The following PAPSS1 variants were observed in gnomAD, a reference collection of about 807,000 sequenced individuals.
PAPSS1 encodes 3'-phosphoadenosine 5'-phosphosulfate synthase 1.
A neutral mutation model predicts 72.0 loss-of-function variants in PAPSS1; 50 were observed. The observed-to-expected ratio is 0.69, with a 90% confidence interval of 0.55 to 0.88. PAPSS1 has a LOEUF of 0.88. PAPSS1 is among the 40% of genes least tolerant of loss of function. The pLI, the probability that PAPSS1 is intolerant of heterozygous loss-of-function variation, is 0.00. For synonymous variants in PAPSS1, 261 were observed against 263.6 expected (o/e 0.99, Z 0.09); for missense variants, 657 against 782.2 (o/e 0.84, Z 1.91).
intron 1 of PAPSS1, among the ~76,000 whole-genome samples, chr4:107,708,018 C>T (rs749469919): frequency 3.3e-5 from 5 of 152,190 alleles, no homozygotes; most frequent in Admixed American, 6.5e-5. Flanking sequence ...GAAAAATCCT[C>T]TGGGACCAAA....
intron 3 of PAPSS1, among the ~76,000 whole-genome samples, chr4:107,687,919 C>A (rs1011890170): frequency 3.3e-5 from 5 of 151,816 alleles, no homozygotes; most frequent in Non-Finnish European, 5.9e-5. Context: ...TCCTTATGGT[C>A]CCTCTGACAA....
Position 107,654,853 on chromosome 4 carries a change from C to G in PAPSS1, c.943G>C (p.Glu315Gln), listed in dbSNP as rs750711381. ...SVPIVLTATH[E>Q]DKERLDGCTA... ...CAGCCGTCCAGCCTCTCTTTATCTT[C>G]ATGAGTCGCAGTCAGAACTATAGGT... is the stretch of plus-strand genomic sequence containing the variant. The change falls in exon 8 of 12, where the codon GAA (glutamate) becomes CAA (glutamine). Residue 315 changes from glutamate (E) to glutamine (Q), a missense_variant. By Grantham distance (29) the Glu-to-Gln change is conservative. Coordinates refer to ENST00000265174, the MANE Select transcript of PAPSS1 (RefSeq NM_005443.5). 61 of 1,613,928 alleles carry G rather than the reference C, an allele frequency of 3.8e-5. 1 individual carries two copies. The Admixed American group carries it at 9.8e-4, about 26-fold the overall frequency.
In PAPSS1 at chr4:107,638,555, G is replaced by C. The variant is rs139439095; in HGVS notation, c.1506+6247C>G. ...TGAGAACAGTATCAGCCCTCCCAGA[G>C]TGGGGGCTCAGAGTGGAGACAACAA... On this transcript the variant is annotated intron_variant, in intron 10 of 11. Transcript: ENST00000265174. Among the ~76,000 whole-genome samples the C allele has an allele frequency of 2.0e-5, 3 of 152,248 alleles. No individual in the cohort carries two copies. The East Asian group carries it at 5.8e-4, about 29-fold the overall frequency.
At chr4:107,706,757 T>G (rs1364058403) in intron 1 of PAPSS1, among the ~76,000 whole-genome samples, 2 of 152,182 alleles carry the variant, frequency 1.3e-5, no homozygotes, top group African/African-American at 4.8e-5. Context: ...GTAGACTGGC[T>G]TTATTTGGGA....
intron 10 of PAPSS1, among the ~76,000 whole-genome samples, chr4:107,632,241 G>A (rs1288715117): frequency 1.3e-5 from 2 of 152,104 alleles, no homozygotes; most frequent in Non-Finnish European, 2.9e-5. Context: ...CCTGGAGGGA[G>A]GCAACTGCAA....
At chr4:107,633,710 G>T (rs1726282041) in intron 10 of PAPSS1, among the ~76,000 whole-genome samples, 1 of 151,990 alleles carries the variant, frequency 6.6e-6, no homozygotes, top group Non-Finnish European at 1.5e-5. Flanking sequence ...ACGAGGTCAG[G>T]AGATTGAGAC....
chr4:107,703,341 G>T (rs1251823482), intron 1 of PAPSS1, among the ~76,000 whole-genome samples: 1 of 151,120 alleles, frequency 6.6e-6, no homozygotes, highest in Non-Finnish European at 1.5e-5. Flanking sequence ...CTTTGCTGTG[G>T]AGACAATTTT....
intron 10 of PAPSS1, among the ~76,000 whole-genome samples, chr4:107,632,561 T>C (rs1220569425): frequency 6.6e-6 from 1 of 151,642 alleles, no homozygotes; most frequent in African/African-American, 2.4e-5. Flanking sequence ...CATCCAAAAC[T>C]AGCCTTGAAG....
At chr4:107,627,502 T>A (rs1271082954) in intron 11 of PAPSS1, among the ~76,000 whole-genome samples, 3 of 152,184 alleles carry the variant, frequency 2.0e-5, no homozygotes, top group Non-Finnish European at 2.9e-5. Context: ...AAGGCACTGC[T>A]ACCCTTTTTT....
chr4:107,677,182 AATG>A (rs1437919519), intron 5 of PAPSS1, among the ~76,000 whole-genome samples: 26 of 152,332 alleles, frequency 1.7e-4, no homozygotes, highest in African/African-American at 6.0e-4. Flanking sequence ...AAAATTGACA[AATG>A]GGATCTAATT....
At chr4:107,631,213 C>A (rs1455486486) in intron 11 of PAPSS1, among the ~76,000 whole-genome samples, 4 of 152,116 alleles carry the variant, frequency 2.6e-5, no homozygotes, top group African/African-American at 9.7e-5. Flanking sequence ...GATACACAAC[C>A]TATAAATAAT....
chr4:107,719,816 G>A (rs545831439), intron 1 of PAPSS1: 3 of 1,256,316 alleles, frequency 2.4e-6, no homozygotes, highest in Non-Finnish European at 3.0e-6. Context: ...CCAGTTCACG[G>A]GTGAAGGATT....
intron 1 of PAPSS1, among the ~76,000 whole-genome samples, chr4:107,703,537 T>C (rs1723260850): frequency 6.6e-6 from 1 of 152,206 alleles, no homozygotes; most frequent in African/African-American, 2.4e-5. Flanking sequence ...TTTTTTTATA[T>C]GAGGTGAGAT....
In PAPSS1 at chr4:107,701,186, T is replaced by A. The variant is rs1353443556; in HGVS notation, c.160A>T (p.Thr54Ser). The change falls in exon 2 of 12, where the codon ACA (threonine) becomes TCA (serine). Residue 54 changes from threonine to serine, a missense_variant. Physicochemically the swap from Thr to Ser is moderately conservative, Grantham distance 58. Transcript: ENST00000265174. ...TTGACCATACCTGTTAGCCAAACTG[T>A]GCAACCACGAAAGCCACCTCTGGTC... Reference protein sequence around the residue: ...VGTRGGFRGCTVWLTGLSGAG... With the variant: ...VGTRGGFRGCSVWLTGLSGAG... 1 of 1,612,942 alleles carries A rather than the reference T, an allele frequency of 6.2e-7. No homozygotes were observed. The highest frequency in any genetic ancestry group is 8.5e-7 in the Non-Finnish European group (1 of 1,179,024).
At chr4:107,691,624 G>A (rs936585386) in intron 3 of PAPSS1, among the ~76,000 whole-genome samples, 2 of 152,168 alleles carry the variant, frequency 1.3e-5, no homozygotes, top group Non-Finnish European at 2.9e-5. Flanking sequence ...GGGGTTTGGA[G>A]GCAGCATAGC....
chr4:107,664,278 G>T (rs1173329133), intron 5 of PAPSS1, among the ~76,000 whole-genome samples: 1 of 152,198 alleles, frequency 6.6e-6, no homozygotes, highest in Non-Finnish European at 1.5e-5. Flanking sequence ...TTTGTATGCT[G>T]TGATGGGGCT....
intron 3 of PAPSS1, among the ~76,000 whole-genome samples, chr4:107,689,839 A>G (rs2110340626): frequency 6.6e-6 from 1 of 152,254 alleles, no homozygotes; most frequent in South Asian, 2.1e-4. Context: ...AACCCACCAA[A>G]AATGAAATAC....
At chr4:107,679,890 T>C (rs1482749952) in intron 5 of PAPSS1, among the ~76,000 whole-genome samples, 1 of 151,030 alleles carries the variant, frequency 6.6e-6, no homozygotes, top group Non-Finnish European at 1.5e-5. Flanking sequence ...ATGAATACTA[T>C]CAAAAAAAAG....
intron 9 of PAPSS1, among the ~76,000 whole-genome samples, chr4:107,646,891 C>T (rs1268718451): frequency 2.0e-5 from 3 of 152,206 alleles, no homozygotes; most frequent in African/African-American, 7.2e-5. Context: ...CTCAGTTTCC[C>T]TTCTTGCCCT....
Sources: allele counts gnomAD v4.1 joint callset (sites outside exome capture counted in the v4.1 genomes callset), GRCh38; gene constraint gnomAD v4.1.1; transcripts MANE v1.5; gene names NCBI Gene and HGNC (gene_info 2026-07-23, HGNC 2026-07-21).